FAM227B: variants seen among roughly 807,000 people sequenced by gnomAD.
The protein encoded by FAM227B is protein FAM227B.
FAM227B carries 88 observed loss-of-function variants against 73.8 expected under a neutral mutation model. The ratio of observed to expected loss-of-function variants is 1.19; its 90% CI spans 1.00 to 1.42. The LOEUF (loss-of-function observed/expected upper bound fraction) is 1.42. Among genes scored for constraint, FAM227B ranks in the 40% most tolerant of loss-of-function variants. The pLI, the probability that FAM227B is intolerant of heterozygous loss-of-function variation, is 0.00. For missense variants in FAM227B, 632 were observed against 590.9 expected (o/e 1.07, Z -0.72); for synonymous variants, 210 against 190.5 (o/e 1.10, Z -0.84).
intron 11 of FAM227B, among the ~76,000 whole-genome samples, chr15:49,404,784 G>A (rs554919561): frequency 9.9e-5 from 15 of 152,050 alleles, no homozygotes; most frequent in Admixed American, 2.6e-4. Flanking sequence ...ATTATTGTGT[G>A]TAGATTTGAT....
At chr15:49,402,118 C>T (rs1164412119) in intron 11 of FAM227B, among the ~76,000 whole-genome samples, 2 of 152,124 alleles carry the variant, frequency 1.3e-5, no homozygotes, top group Non-Finnish European at 2.9e-5. Context: ...AGAACCACCT[C>T]TGGTGACAAG....
intron 13 of FAM227B, among the ~76,000 whole-genome samples, chr15:49,341,655 A>T (rs1375624156): frequency 6.6e-6 from 1 of 152,170 alleles, no homozygotes; most frequent in African/African-American, 2.4e-5. Flanking sequence ...TCTGGCTGAG[A>T]TCTTTCTAAC....
chr15:49,616,713 A>G (rs369466633), intron 1 of FAM227B, among the ~76,000 whole-genome samples: 7 of 152,240 alleles, frequency 4.6e-5, no homozygotes, highest in African/African-American at 1.4e-4. Flanking sequence ...TAATACAGAT[A>G]TAAGCTATCA....
At chr15:49,340,047 C>T (rs920332510) in intron 13 of FAM227B, among the ~76,000 whole-genome samples, 1 of 152,150 alleles carries the variant, frequency 6.6e-6, no homozygotes, top group Non-Finnish European at 1.5e-5. Flanking sequence ...TCTTAACTTG[C>T]TGGGCTCAGT....
chr15:49,519,972 C>T (rs1567469125), intron 10 of FAM227B, among the ~76,000 whole-genome samples: 1 of 151,890 alleles, frequency 6.6e-6, no homozygotes, highest in East Asian at 1.9e-4. Flanking sequence ...TTTGTGAATA[C>T]ATAAAGCTGA....
chr15:49,518,132 T>A (rs752405529), intron 10 of FAM227B, among the ~76,000 whole-genome samples: 6 of 152,210 alleles, frequency 3.9e-5, no homozygotes, highest in African/African-American at 7.2e-5. Context: ...TGTGCACATT[T>A]CTATAGGGCA....
At chr15:49,394,144 T>C (rs1432176607) in intron 11 of FAM227B, among the ~76,000 whole-genome samples, 1 of 152,172 alleles carries the variant, frequency 6.6e-6, no homozygotes, top group Non-Finnish European at 1.5e-5. Flanking sequence ...ACAGTCCTTC[T>C]CTAATGATTT....
intron 13 of FAM227B, chr15:49,365,878 T>G: frequency 1.0e-6 from 1 of 955,860 alleles, no homozygotes; most frequent in Admixed American, 1.7e-5. Flanking sequence ...TGGCATCTTA[T>G]GAATTAGTGC....
intron 11 of FAM227B, among the ~76,000 whole-genome samples, chr15:49,504,499 G>A (rs1425923183): frequency 2.0e-5 from 3 of 151,830 alleles, no homozygotes; most frequent in Non-Finnish European, 4.4e-5. Context: ...AGCACCACTC[G>A]CGTTCCCTGA....
chr15:49,550,087 G>C (rs564981933), intron 9 of FAM227B, among the ~76,000 whole-genome samples: 1 of 109,598 alleles, frequency 9.1e-6, no homozygotes. Context: ...CTCCTGGACG[G>C]GGGCGGCTGG....
chr15:49,408,361 A>G (rs941449957), intron 11 of FAM227B, among the ~76,000 whole-genome samples: 2 of 152,160 alleles, frequency 1.3e-5, no homozygotes, highest in Non-Finnish European at 1.5e-5. Context: ...GAAACTTTCA[A>G]TATTTTCTAC....
chr15:49,519,611 G>C lies in FAM227B; in HGVS notation c.875-11263C>G, dbSNP rs377433757. 1.1e-4 allele frequency among the ~76,000 whole-genome samples: 16 copies of C among 152,054 alleles called. No individual in the cohort carries two copies. In the East Asian group the frequency reaches 1.7e-3, roughly 17 times the overall value. On this transcript the variant is annotated intron_variant, in intron 10 of 15. Transcript: ENST00000299338. Reference sequence around the variant, plus strand: ...GAAGCAATGTCCTGATCTGTACATTGTATTTTGGCTCCATTTCATCCATGG... The same window carrying C: ...GAAGCAATGTCCTGATCTGTACATTCTATTTTGGCTCCATTTCATCCATGG...
At chr15:49,600,769 G>A (rs770070292) in intron 3 of FAM227B, among the ~76,000 whole-genome samples, 14 of 151,972 alleles carry the variant, frequency 9.2e-5, no homozygotes, top group East Asian at 3.9e-4. Context: ...CAGGCCGGGC[G>A]TGGTGGCTCA....
intron 11 of FAM227B, among the ~76,000 whole-genome samples, chr15:49,405,962 G>A (rs1451457806): frequency 9.2e-5 from 14 of 152,154 alleles, no homozygotes; most frequent in Admixed American, 8.5e-4. Context: ...TTTGATTGTG[G>A]TATAAGGTAG....
chr15:49,390,853 T>C (rs567481390), intron 11 of FAM227B, among the ~76,000 whole-genome samples: 3 of 152,092 alleles, frequency 2.0e-5, no homozygotes, highest in Non-Finnish European at 4.4e-5. Context: ...AACTGACCTA[T>C]GTGCTTTGCC....
intron 11 of FAM227B, among the ~76,000 whole-genome samples, chr15:49,397,533 A>G (rs1177921007): frequency 2.0e-5 from 3 of 152,094 alleles, no homozygotes; most frequent in African/African-American, 7.2e-5. Context: ...AGCAACTCCA[A>G]GACACATAAT....
In FAM227B at chr15:49,328,579, C is replaced by G. The variant is rs77994602; in HGVS notation, c.1516G>C (p.Glu506Gln). Residue 506 changes from glutamate to glutamine, a missense_variant, in exon 16 of 16, where the codon GAA becomes CAA. By Grantham distance (29) the Glu-to-Gln change is conservative. Transcript: ENST00000299338. Reference protein sequence around the residue: ...SSTDNYNFEEEEY With the variant: ...SSTDNYNFEEQEY ...ATTTCTGGTTTCTCTTAGTATTCTT[C>G]TTCCTCAAAGTTGTAGTTGTCTGTT... 1 of 1,601,782 alleles carries G rather than the reference C, an allele frequency of 6.2e-7. No homozygotes were observed. Among genetic ancestry groups the G allele is most frequent in the African/African-American group, 1.3e-5 (1 of 74,976 alleles).
rs557234493 is a variant in FAM227B, at chr15:49,585,445, A to T, written c.405+2571T>A. ...TAGCAAAGACTTGGAACCAAGCCAA[A>T]TGTCCAACAATGATAGACTGGATTA... On this transcript the variant is annotated intron_variant, in intron 5 of 15. Coordinates refer to ENST00000299338, the MANE Select transcript of FAM227B (RefSeq NM_152647.3). Among the ~76,000 whole-genome samples, 45 of 152,354 alleles carry T rather than the reference A, an allele frequency of 3.0e-4. 2 individuals are homozygous for T. The South Asian group carries it at 6.0e-3, about 20-fold the overall frequency.
intron 13 of FAM227B, among the ~76,000 whole-genome samples, chr15:49,354,257 T>TAGG (rs1270673932): frequency 6.6e-6 from 1 of 152,224 alleles, no homozygotes; most frequent in Non-Finnish European, 1.5e-5. Context: ...GATGGCCGAA[T>TAGG]AGGAACAGCT....
Sources: gnomAD v4.1 joint callset for allele counts (sites outside exome capture counted in the v4.1 genomes callset) on GRCh38, gnomAD v4.1.1 for gene constraint, MANE v1.5 for transcripts, NCBI Gene and HGNC (gene_info 2026-07-23, HGNC 2026-07-21) for gene names.